The following USP49 variants were observed in gnomAD, a reference collection of about 807,000 sequenced individuals.
USP49 encodes ubiquitin specific peptidase 49, also known as ubiquitin carboxyl-terminal hydrolase 49.
USP49 carries 24 observed loss-of-function variants against 58.6 expected under a neutral mutation model. The ratio of observed to expected loss-of-function variants is 0.41; its 90% CI spans 0.30 to 0.58. The LOEUF is 0.58. Ranked by LOEUF, USP49 falls within the 20% of genes least tolerant of loss-of-function variation. The probability of loss-of-function intolerance (pLI) is 0.30; values close to 1 mark genes in which losing one functional copy is unlikely to be tolerated. For missense variants in USP49, 703 were observed against 866.1 expected (o/e 0.81, Z 2.36); for synonymous variants, 408 against 365.1 (o/e 1.12, Z -1.34).
intron 3 of USP49, among the ~76,000 whole-genome samples, chr6:41,870,382 G>A (rs1286403702): frequency 2.0e-5 from 3 of 152,208 alleles, no homozygotes; most frequent in East Asian, 3.9e-4. Context: ...ACAAATACAT[G>A]CCATATACTT....
chr6:41,881,597 T>C (rs1245040286), intron 2 of USP49, among the ~76,000 whole-genome samples: 2 of 152,110 alleles, frequency 1.3e-5, no homozygotes, highest in African/African-American at 4.8e-5. Context: ...ACTCAAATAG[T>C]AGGCGTGGCT....
chr6:41,803,664 G>T lies in USP49; in HGVS notation c.1561+142C>A. 1 of 954,178 alleles carries T rather than the reference G, an allele frequency of 1.0e-6. No individual in the cohort carries two copies. Among genetic ancestry groups the T allele is most frequent in the Non-Finnish European group, 1.6e-6 (1 of 643,390 alleles). 59.1% of individuals were successfully genotyped at this position (954,178 alleles called of 1,614,324 possible). Reference sequence around the variant, plus strand: ...CATGTTTTTTGTTTTTAGAAAAATGGGAGAAAAAGATCTTTAAAAGATGCT... The same window carrying T: ...CATGTTTTTTGTTTTTAGAAAAATGTGAGAAAAAGATCTTTAAAAGATGCT... On this transcript the variant is annotated intron_variant, in intron 5 of 7. Coordinates refer to ENST00000682992, the MANE Select transcript of USP49 (RefSeq NM_001286554.2). The surrounding 1 kb of genome is among the most constrained non-coding windows in gnomAD (Gnocchi z 4.1).
chr6:41,801,095 C>A (rs1197024933), intron 5 of USP49, among the ~76,000 whole-genome samples: 1 of 152,194 alleles, frequency 6.6e-6, no homozygotes, highest in African/African-American at 2.4e-5. Flanking sequence ...CTGTGCCCAG[C>A]CTTGAGGAAA....
rs778098796 is a variant in USP49 at position 41,796,291 on chromosome 6, T to C, written c.*242A>G. 89 of 410,998 alleles carry C rather than the reference T, an allele frequency of 2.2e-4. No individual in the cohort carries two copies. Among genetic ancestry groups the C allele is most frequent in the Non-Finnish European group, 3.4e-4 (78 of 227,092 alleles). 25.5% of individuals were successfully genotyped at this position (410,998 alleles called of 1,614,324 possible). ...AGATCCCTCTATATTCAGAAGCAAC[T>C]GATGAAAGGATCTTCATAGAAGTTA... On this transcript the variant is annotated 3_prime_UTR_variant, in exon 8 of 8. Coordinates refer to ENST00000682992, the MANE Select transcript of USP49 (RefSeq NM_001286554.2).
intron 3 of USP49, among the ~76,000 whole-genome samples, chr6:41,826,996 A>T (rs1180646382): frequency 1.3e-5 from 2 of 152,200 alleles, no homozygotes; most frequent in Non-Finnish European, 2.9e-5. Flanking sequence ...AGTCACTAAA[A>T]CCATCCAGCA....
At chr6:41,815,831 T>C (rs1157404878) in intron 3 of USP49, among the ~76,000 whole-genome samples, 1 of 152,166 alleles carries the variant, frequency 6.6e-6, no homozygotes, top group Non-Finnish European at 1.5e-5. Context: ...AGTAATCAAG[T>C]GCTGATATTC....
intron 2 of USP49, among the ~76,000 whole-genome samples, chr6:41,880,335 C>T (rs564511442): frequency 6.6e-6 from 1 of 152,028 alleles, no homozygotes; most frequent in East Asian, 1.9e-4. Flanking sequence ...AGAGGAAGAA[C>T]AGAGAAAACT....
intron 5 of USP49, among the ~76,000 whole-genome samples, chr6:41,801,335 T>C (rs1380724398): frequency 1.3e-5 from 2 of 152,218 alleles, no homozygotes; most frequent in Admixed American, 6.5e-5. Context: ...AAGTCCTGTC[T>C]GTACTACTCA....
intron 3 of USP49, among the ~76,000 whole-genome samples, chr6:41,847,488 G>A (rs1773943878): frequency 6.6e-6 from 1 of 152,110 alleles, no homozygotes. Flanking sequence ...GGCCGAGGCA[G>A]GTGGATCACG....
At chr6:41,812,565 C>T (rs913121657) in intron 3 of USP49, among the ~76,000 whole-genome samples, 5 of 151,720 alleles carry the variant, frequency 3.3e-5, no homozygotes, top group African/African-American at 4.8e-5. Flanking sequence ...TGGTGGCGGG[C>T]GCCTGTAGTC....
chr6:41,809,861 A>G lies in USP49; in HGVS notation c.-28-2850T>C, dbSNP rs1405352474. On this transcript the variant is annotated intron_variant, in intron 3 of 7. Coordinates refer to ENST00000682992, the MANE Select transcript of USP49 (RefSeq NM_001286554.2). ...ATAGATAAATAAAAATTAAAAAATA[A>G]AGAAAATAGGCCGGGCGCGGTGGCT... Among the ~76,000 whole-genome samples the G allele has an allele frequency of 2.0e-5, 3 of 150,188 alleles. No homozygotes were observed. The East Asian group carries it at 5.9e-4, about 30-fold the overall frequency.
chr6:41,891,145 G>A (rs1774804412), intron 2 of USP49, among the ~76,000 whole-genome samples: 1 of 152,188 alleles, frequency 6.6e-6, no homozygotes, highest in Non-Finnish European at 1.5e-5. Context: ...CTTGTTAAGT[G>A]TTGAATCTGA....
At chr6:41,814,206 G>A (rs919941306) in intron 3 of USP49, among the ~76,000 whole-genome samples, 4 of 152,120 alleles carry the variant, frequency 2.6e-5, no homozygotes, top group African/African-American at 9.7e-5. Flanking sequence ...GCACACCCTT[G>A]GTCGATCTGC....
chr6:41,825,499 T>G (rs1773523290), intron 3 of USP49, among the ~76,000 whole-genome samples: 1 of 152,160 alleles, frequency 6.6e-6, no homozygotes, highest in Admixed American at 6.5e-5. Flanking sequence ...CATAATTTTT[T>G]CCAGCATCTC....
At chr6:41,876,976 A>T (rs1369474607) in intron 2 of USP49, among the ~76,000 whole-genome samples, 2 of 152,224 alleles carry the variant, frequency 1.3e-5, no homozygotes, top group African/African-American at 2.4e-5. Flanking sequence ...CTGATTAATT[A>T]TGTTATCTCC....
chr6:41,816,395 C>T (rs535310480), intron 3 of USP49, among the ~76,000 whole-genome samples: 208 of 152,262 alleles, frequency 1.4e-3, no homozygotes, highest in African/African-American at 4.0e-3. Flanking sequence ...CTACACTTAA[C>T]ACTGCACAAA....
chr6:41,809,633 T>C (rs1362362115), intron 3 of USP49, among the ~76,000 whole-genome samples: 2 of 151,510 alleles, frequency 1.3e-5, no homozygotes, highest in Non-Finnish European at 2.9e-5. Context: ...GAGACCATCC[T>C]GCCTAACGCG....
intron 3 of USP49, among the ~76,000 whole-genome samples, chr6:41,808,234 G>A (rs892264935): frequency 2.0e-5 from 3 of 151,528 alleles, no homozygotes; most frequent in African/African-American, 4.9e-5. Context: ...CCAAACTACC[G>A]AAACAAAAGA....
chr6:41,852,372 T>C (rs1774046430), intron 3 of USP49, among the ~76,000 whole-genome samples: 2 of 152,288 alleles, frequency 1.3e-5, no homozygotes, highest in Non-Finnish European at 2.9e-5. Flanking sequence ...AAAAAAATTG[T>C]TAGAATAGAC....
Sources: allele counts gnomAD v4.1 joint callset (sites outside exome capture counted in the v4.1 genomes callset), GRCh38; gene constraint gnomAD v4.1.1; non-coding constraint Gnocchi (gnomAD v3.1); transcripts MANE v1.5; gene names NCBI Gene and HGNC (gene_info 2026-07-23, HGNC 2026-07-21).